The following KCTD14 variants were observed in gnomAD, a reference collection of about 807,000 sequenced individuals.
KCTD14 encodes the protein potassium channel tetramerization domain containing 14.
KCTD14 carries 7 observed loss-of-function variants against 5.9 expected under a neutral mutation model. The observed-to-expected ratio is 1.19, with a 90% CI of 0.68 to 2.23. KCTD14 has a LOEUF of 2.23. KCTD14 is among the 30% of genes most tolerant of loss of function. KCTD14 has a pLI of 0.00. For missense variants in KCTD14, 342 were observed against 332.2 expected (o/e 1.03, Z -0.23); for synonymous variants, 140 against 133.1 (o/e 1.05, Z -0.36).
rs1481765939 is a variant in KCTD14, at chr11:78,016,696, TTAA to T, written c.662_664del (p.Ile221del). The T allele has an allele frequency of 6.2e-7, 1 of 1,614,220 alleles. No individual in the cohort carries two copies. The highest frequency in any genetic ancestry group is 1.7e-5 in the Admixed American group (1 of 60,026). ...GGAGAATACCTTGTACCCCTGGGCC[TTAA>T]TGTCCATCTCCAGGCAGTGCATGAG... On this transcript the variant is annotated inframe_deletion, in exon 2 of 2. Transcript: ENST00000353172.
chr11:78,017,083 A>C lies in KCTD14; in HGVS notation c.278T>G (p.Leu93Arg). ...CTGTGTGGGCACTTGCCCAGTGCGC[A>C]GGTAGTCCAGGATGGGTCTGAAATA... ...STYFRPILDY[L>R]RTGQVPTQHI... The change falls in exon 2 of 2, where the codon CTG becomes CGG. Residue 93 changes from leucine (L) to arginine (R), a missense_variant. Leu to Arg is a moderately radical substitution (Grantham distance 102). Transcript: ENST00000353172. The C allele has an allele frequency of 6.2e-7, 1 of 1,614,236 alleles. No homozygotes were observed. Among genetic ancestry groups the C allele is most frequent in the Non-Finnish European group, 8.5e-7 (1 of 1,180,040 alleles).
intron 1 of KCTD14, among the ~76,000 whole-genome samples, chr11:78,043,784 C>G (rs1227954595): frequency 6.6e-6 from 1 of 152,172 alleles, no homozygotes; most frequent in African/African-American, 2.4e-5. Flanking sequence ...GGGTTTCACT[C>G]AGGGAACTGA....
At chr11:78,022,697 G>T (rs977295196) in intron 1 of KCTD14, among the ~76,000 whole-genome samples, 1 of 152,036 alleles carries the variant, frequency 6.6e-6, no homozygotes, top group Non-Finnish European at 1.5e-5. Flanking sequence ...CAGAGGGCAG[G>T]GGCAGGCTGA....
At chr11:78,026,263 C>G (rs574395409), upstream of KCTD14, among the ~76,000 whole-genome samples, 1 of 152,096 alleles carries the variant, frequency 6.6e-6, no homozygotes, top group South Asian at 2.1e-4. Flanking sequence ...ATGGTGAAAC[C>G]CCATCTCTAC....
rs913969838 is a variant in KCTD14 at position 78,016,321 on chromosome 11, T to C, written c.*272A>G. ...TGCCAACGCATTGTTGAAACATTCT[T>C]ACTTGGTCTTGTTATTGGACTTCAA... On this transcript the variant is annotated 3_prime_UTR_variant, in exon 2 of 2. Coordinates refer to ENST00000353172, the MANE Select transcript of KCTD14 (RefSeq NM_023930.4). 2 of 488,042 alleles carry C rather than the reference T, an allele frequency of 4.1e-6. No homozygotes were observed. The highest frequency in any genetic ancestry group is 7.3e-6 in the Non-Finnish European group (2 of 273,894). 30.2% of individuals were successfully genotyped at this position (488,042 alleles called of 1,614,324 possible).
chr11:78,037,969 T>G (rs1004825282), intron 2 of KCTD14, among the ~76,000 whole-genome samples: 1 of 145,248 alleles, frequency 6.9e-6, no homozygotes, highest in African/African-American at 2.5e-5. Flanking sequence ...GTGTGTAAGT[T>G]ACATTTCAAT....
chr11:78,041,984 TTGCCACCATCTTGGAAGTGGCC>T lies in KCTD14; in HGVS notation c.-95-3248_-95-3227del, dbSNP rs371410167. 8.6e-3 allele frequency among the ~76,000 whole-genome samples: 1,307 copies of T among 152,280 alleles called. 12 individuals are homozygous for T. The highest frequency in any genetic ancestry group is 0.027 in the African/African-American group (1,142 of 41,548). ...TGGAATCCGTGAGGCCAAGAAAGGC[TTGCCACCATCTTGGAAGTGGCC>T]TGCCACCATCTTGGAAGTAGCTCGC... On this transcript the variant is annotated intron_variant, in intron 1 of 2. Transcript: ENST00000533144.
At chr11:78,034,434 A>G (rs1857728521) in intron 2 of KCTD14, among the ~76,000 whole-genome samples, 2 of 152,046 alleles carry the variant, frequency 1.3e-5, no homozygotes, top group Admixed American at 1.3e-4. Context: ...TTCATTGTAT[A>G]TTATTTTATA....
chr11:78,027,586 C>T (rs1477237534), upstream of KCTD14, among the ~76,000 whole-genome samples: 4 of 152,076 alleles, frequency 2.6e-5, no homozygotes, highest in African/African-American at 9.7e-5. Context: ...TGGTCTCGAT[C>T]TCCTGACCTT....
rs139599819 is a variant in KCTD14 at position 78,017,149 on chromosome 11, G to A, written c.212C>T (p.Thr71Met). Reference protein sequence around the residue: ...EMFSSLAKASTDAEGRFFIDR... With the variant: ...EMFSSLAKASMDAEGRFFIDR... ...GATGAAGAAGCGGCCCTCCGCGTCC[G>A]TGGAGGCCTTGGCTAAGCTAGAGAA... Residue 71 changes from threonine (T) to methionine (M), a missense_variant, in exon 2 of 2, where the codon ACG (threonine) becomes ATG (methionine). Coordinates refer to ENST00000353172, the MANE Select transcript of KCTD14 (RefSeq NM_023930.4). 568 of 1,614,162 alleles carry A rather than the reference G, an allele frequency of 3.5e-4. No homozygotes were observed. Among genetic ancestry groups the A allele is most frequent in the African/African-American group, 2.4e-3 (178 of 75,044 alleles).
chr11:78,024,373 T>C (rs1429797632), upstream of KCTD14, among the ~76,000 whole-genome samples: 2 of 84,062 alleles, frequency 2.4e-5, no homozygotes, highest in East Asian at 2.8e-4. Flanking sequence ...CAACAAAGAT[T>C]CCCTCTCAAA....
At chr11:78,033,447 C>T (rs905030865) in intron 2 of KCTD14, among the ~76,000 whole-genome samples, 26 of 151,918 alleles carry the variant, frequency 1.7e-4, no homozygotes, top group Non-Finnish European at 3.8e-4. Context: ...TTTGGGAGGC[C>T]GAGGAGGGCA....
chr11:78,045,075 G>A (rs1051056470), intron 1 of KCTD14, among the ~76,000 whole-genome samples: 2 of 152,132 alleles, frequency 1.3e-5, no homozygotes, highest in African/African-American at 4.8e-5. Flanking sequence ...TTGCCTCGTA[G>A]GTGTGAATGC....
At chr11:78,024,992 C>T (rs1857410892), upstream of KCTD14, among the ~76,000 whole-genome samples, 1 of 142,516 alleles carries the variant, frequency 7.0e-6, no homozygotes, top group South Asian at 2.2e-4. Context: ...TATACATACA[C>T]ATATATTTGT....
chr11:78,043,040 C>T (rs1858038124), intron 1 of KCTD14, among the ~76,000 whole-genome samples: 1 of 152,246 alleles, frequency 6.6e-6, no homozygotes, highest in African/African-American at 2.4e-5. Context: ...CCGTGGCTCA[C>T]ACCTGTAATC....
At chr11:78,017,710 G>A (rs778113904) in intron 1 of KCTD14, among the ~76,000 whole-genome samples, 23 of 152,166 alleles carry the variant, frequency 1.5e-4, no homozygotes, top group Admixed American at 9.2e-4. Flanking sequence ...CTCCCACAGT[G>A]CCCGGCCGAG....
In KCTD14 at chr11:78,016,653, G is replaced by A. The variant is rs759942007; in HGVS notation, c.708C>T (p.Tyr236=). 5.6e-6 allele frequency: 9 copies of A among 1,614,188 alleles called. No individual in the cohort carries two copies. The highest frequency in any genetic ancestry group is 7.6e-6 in the Non-Finnish European group (9 of 1,180,020). Residue 236 remains tyrosine (Y), a synonymous_variant, in exon 2 of 2, where the codon TAC becomes TAT. Coordinates refer to ENST00000353172, the MANE Select transcript of KCTD14 (RefSeq NM_023930.4). ...AATGGAATTCGTTTCTTTTGGTGGG[G>A]TACGTCAGGTAGAACTTGGAGAATA... ...YKVFSKFYLT[Y]PTKRNEFHFN...
intron 1 of KCTD14, among the ~76,000 whole-genome samples, chr11:78,041,067 C>T (rs1857980855): frequency 6.6e-6 from 1 of 152,130 alleles, no homozygotes; most frequent in South Asian, 2.1e-4. Context: ...CCAGGTTGAC[C>T]CAGGCACTCT....
intron 1 of KCTD14, among the ~76,000 whole-genome samples, chr11:78,021,697 C>A (rs910403880): frequency 3.3e-5 from 5 of 152,180 alleles, no homozygotes; most frequent in Non-Finnish European, 7.3e-5. Context: ...GAACTACAGG[C>A]ATGAGCTACC....
Sources: gnomAD v4.1 joint callset for allele counts (sites outside exome capture counted in the v4.1 genomes callset) on GRCh38, gnomAD v4.1.1 for gene constraint, MANE v1.5 for transcripts, NCBI Gene and HGNC (gene_info 2026-07-23, HGNC 2026-07-21) for gene names.